Variants in XKR6 observed in about 807,000 individuals in gnomAD.
XKR6 encodes XK-related protein 6.
In XKR6, 22 loss-of-function variants were observed where a neutral mutation model predicts 56.7. The ratio of observed to expected loss-of-function variants is 0.39; its 90% CI spans 0.28 to 0.55. The LOEUF (loss-of-function observed/expected upper bound fraction) is 0.55, where lower values mean the gene tolerates loss of function less well. Among genes scored for constraint, XKR6 ranks in the 20% least tolerant of loss-of-function variants. The probability of loss-of-function intolerance (pLI) is 0.66; values close to 1 mark genes in which losing one functional copy is unlikely to be tolerated. For synonymous variants in XKR6, 524 were observed against 387.8 expected (o/e 1.35, Z -4.13); for missense variants, 852 against 889.0 (o/e 0.96, Z 0.53).
At chr8:11,081,598 A>C (rs1797723911) in intron 1 of XKR6, among the ~76,000 whole-genome samples, 1 of 152,174 alleles carries the variant, frequency 6.6e-6, no homozygotes, top group African/African-American at 2.4e-5. Context: ...AGGTCTGGAC[A>C]AGTCCTCGGC....
At chr8:10,998,102 A>C (rs1231467639) in intron 1 of XKR6, among the ~76,000 whole-genome samples, 1 of 152,104 alleles carries the variant, frequency 6.6e-6, no homozygotes, top group African/African-American at 2.4e-5. Context: ...CACCCCAGAG[A>C]GGGTCCAGCA....
chr8:11,018,811 G>T (rs113245479), intron 1 of XKR6, among the ~76,000 whole-genome samples: 13 of 152,034 alleles, frequency 8.6e-5, no homozygotes, highest in Non-Finnish European at 1.8e-4. Context: ...CCTTTCCCTG[G>T]CCTCAGCCTC....
intron 1 of XKR6, among the ~76,000 whole-genome samples, chr8:11,171,741 C>CT (rs1802381226): frequency 1.3e-5 from 2 of 152,106 alleles, no homozygotes; most frequent in African/African-American, 4.8e-5. Context: ...ACCAAATGAA[C>CT]TTTTTTCCTT....
At chr8:11,083,246 G>T (rs1398478378) in intron 1 of XKR6, among the ~76,000 whole-genome samples, 1 of 152,196 alleles carries the variant, frequency 6.6e-6, no homozygotes, top group African/African-American at 2.4e-5. Flanking sequence ...GCACCACTTG[G>T]AGTTCAGTGA....
At chr8:11,077,821 G>A (rs148108038) in intron 1 of XKR6, among the ~76,000 whole-genome samples, 438 of 152,330 alleles carry the variant, frequency 2.9e-3, no homozygotes, top group African/African-American at 8.5e-3. Flanking sequence ...AATGGAGTCT[G>A]CTGCTGCTGT....
At chr8:11,125,099 AAAAAGAAAAAG>A (rs1799702871) in intron 1 of XKR6, among the ~76,000 whole-genome samples, 1 of 133,600 alleles carries the variant, frequency 7.5e-6, no homozygotes, top group South Asian at 2.6e-4. Flanking sequence ...AAAAAAAAAA[AAAAAGAAAAAG>A]AAAAGAAAAA....
intron 1 of XKR6, among the ~76,000 whole-genome samples, chr8:11,047,955 G>A (rs1030699285): frequency 6.6e-6 from 1 of 152,138 alleles, no homozygotes; most frequent in Non-Finnish European, 1.5e-5. Context: ...TCTAAACTTA[G>A]AGGAGTTACC....
intron 1 of XKR6, among the ~76,000 whole-genome samples, chr8:11,057,026 C>T (rs1270159159): frequency 6.6e-6 from 1 of 152,196 alleles, no homozygotes; most frequent in Non-Finnish European, 1.5e-5. Context: ...GTCCAATCTG[C>T]GTACAAGGTG....
intron 1 of XKR6, among the ~76,000 whole-genome samples, chr8:11,068,650 G>C (rs114717796): frequency 0.015 from 2,252 of 152,250 alleles, 64 homozygotes; most frequent in African/African-American, 0.05. Context: ...GGCAGCGTGG[G>C]TTTCTCCTCT....
chr8:11,091,944 T>C (rs1476292192), intron 1 of XKR6, among the ~76,000 whole-genome samples: 5 of 152,226 alleles, frequency 3.3e-5, no homozygotes, highest in Non-Finnish European at 5.9e-5. Flanking sequence ...TTATATTTCT[T>C]ATACAGATCC....
intron 1 of XKR6, among the ~76,000 whole-genome samples, chr8:10,971,195 G>A (rs1012299915): frequency 2.0e-5 from 3 of 151,888 alleles, no homozygotes; most frequent in African/African-American, 7.3e-5. Context: ...GCCGAGGTGG[G>A]CGGATCACGA....
At chr8:11,140,326 G>C (rs1003465705) in intron 1 of XKR6, among the ~76,000 whole-genome samples, 1 of 152,128 alleles carries the variant, frequency 6.6e-6, no homozygotes, top group Admixed American at 6.5e-5. Context: ...TACACTGAGA[G>C]AACATACCAC....
intron 1 of XKR6, among the ~76,000 whole-genome samples, chr8:11,101,672 G>C (rs971939346): frequency 6.6e-6 from 1 of 152,178 alleles, no homozygotes. Context: ...AGAAGTCCTG[G>C]AAGATGGAAG....
intron 1 of XKR6, among the ~76,000 whole-genome samples, chr8:11,152,515 C>T (rs1271713705): frequency 6.6e-6 from 1 of 152,162 alleles, no homozygotes; most frequent in Non-Finnish European, 1.5e-5. Context: ...ATCACCTCAC[C>T]ACATAAGCAT....
chr8:10,979,518 C>T (rs1212202706), intron 1 of XKR6, among the ~76,000 whole-genome samples: 1 of 152,070 alleles, frequency 6.6e-6, no homozygotes, highest in Non-Finnish European at 1.5e-5. Flanking sequence ...CGGTCTGGTC[C>T]TTTAGAAAGA....
chr8:11,032,955 C>T lies in XKR6; in HGVS notation c.765-108125G>A, dbSNP rs546396869. On this transcript the variant is annotated intron_variant, in intron 1 of 2. Coordinates refer to ENST00000416569, the MANE Select transcript of XKR6 (RefSeq NM_173683.4). ...AAGATGACAACGATGATGATGGTAC[C>T]GATGGTGATTGTAGTGGTGATAATG... Among the ~76,000 whole-genome samples, 37 of 151,950 alleles carry T rather than the reference C, an allele frequency of 2.4e-4. No homozygotes were observed. The South Asian group carries it at 4.6e-3, about 19-fold the overall frequency.
intron 1 of XKR6, among the ~76,000 whole-genome samples, chr8:11,192,440 G>A (rs573179603): frequency 2.0e-5 from 3 of 152,160 alleles, no homozygotes; most frequent in South Asian, 2.1e-4. Flanking sequence ...GAGCCACAGC[G>A]CCTGGCCTAC....
intron 1 of XKR6, among the ~76,000 whole-genome samples, chr8:11,051,298 G>GCTTGCCCC (rs1383895300): frequency 1.3e-5 from 2 of 151,836 alleles, no homozygotes; most frequent in Admixed American, 6.6e-5. Context: ...TCAGACCTCG[G>GCTTGCCCC]CAGCTGCCTG....
rs530393006 is a variant in XKR6, at chr8:11,023,797, G to C, written c.765-98967C>G. 2.0e-5 allele frequency among the ~76,000 whole-genome samples: 3 copies of C among 152,320 alleles called. No individual in the cohort carries two copies. In the East Asian group the frequency reaches 5.8e-4, roughly 29 times the overall value. ...CACCTGCTGCGGAGCCACCTGCGGTGCTGACTGTCCCCTCCTGAACCCTGT... is the reference window on the plus strand; with the variant it reads ...CACCTGCTGCGGAGCCACCTGCGGTCCTGACTGTCCCCTCCTGAACCCTGT... On this transcript the variant is annotated intron_variant, in intron 1 of 2. Transcript: ENST00000416569.
Sources: allele counts gnomAD v4.1 joint callset (sites outside exome capture counted in the v4.1 genomes callset), GRCh38; gene constraint gnomAD v4.1.1; transcripts MANE v1.5; gene names NCBI Gene and HGNC (gene_info 2026-07-23, HGNC 2026-07-21).